The following DCTN1 variants were observed in gnomAD, a reference collection of about 807,000 sequenced individuals.
DCTN1 encodes the protein dynactin subunit 1.
Under a neutral mutation model 161.2 loss-of-function variants are expected in DCTN1, and 61 were observed. The observed-to-expected ratio is 0.38, with a 90% CI of 0.31 to 0.47. The LOEUF is 0.47. Ranked by LOEUF, DCTN1 falls within the 20% of genes least tolerant of loss-of-function variation. The probability of loss-of-function intolerance (pLI) is 0.99; values close to 1 mark genes in which losing one functional copy is unlikely to be tolerated. For synonymous variants in DCTN1, 653 were observed against 632.4 expected (o/e 1.03, Z -0.49); for missense variants, 1,404 against 1,623.7 (o/e 0.86, Z 2.33).
chr2:74,370,784 CT>C lies in DCTN1; in HGVS notation c.884del (p.Glu295GlyfsTer34). ...TGGCATCAGCAGTATCAGCCATCTC[CT>C]CCATATAGCGTTCCTTTGCCTCCAG... is the stretch of plus-strand genomic sequence containing the variant. ...EALEAKERYM[E>X]EMADTADAIE... On this transcript the variant is annotated frameshift_variant, in exon 10 of 32. Coordinates refer to ENST00000628224, the MANE Select transcript of DCTN1 (RefSeq NM_004082.5). LOFTEE classifies it high-confidence loss of function. The surrounding 1 kb of genome is among the most constrained non-coding windows in gnomAD (Gnocchi z 4.4). 6.2e-7 allele frequency: 1 copy of C among 1,614,254 alleles called. No individual in the cohort carries two copies. Among genetic ancestry groups the C allele is most frequent in the Non-Finnish European group, 8.5e-7 (1 of 1,180,048 alleles).
At chr2:74,364,575 T>G in intron 26 of DCTN1, 1 of 235,382 alleles carries the variant, frequency 4.2e-6, no homozygotes. Context: ...TAGACAAAGG[T>G]CAAAACACAA....
chr2:74,371,961 G>A (rs1674894015), intron 7 of DCTN1: 1 of 551,212 alleles, frequency 1.8e-6, no homozygotes, highest in Non-Finnish European at 3.3e-6. Flanking sequence ...GCAGAGGAGA[G>A]AGGGAGGAAA....
chr2:74,371,866 G>A (rs1674884849), intron 7 of DCTN1, 138 bp from the exon 8 acceptor site: 1 of 695,662 alleles, frequency 1.4e-6, no homozygotes, highest in African/African-American at 2.3e-5. Flanking sequence ...TCAAAGCACA[G>A]TGAGAAAAGA....
At chr2:74,378,375 A>G in intron 1 of DCTN1, 130 bp from the exon 2 acceptor site, 1 of 1,205,698 alleles carries the variant, frequency 8.3e-7, no homozygotes, top group Non-Finnish European at 1.2e-6. Flanking sequence ...AACCCCATTT[A>G]CAGAATTGGG....
intron 26 of DCTN1, 32 bp downstream of exon 26, chr2:74,365,043 T>C (rs769942011): frequency 5.0e-6 from 8 of 1,613,798 alleles, no homozygotes; most frequent in African/African-American, 1.3e-5. Context: ...CAATCTCCTC[T>C]GTGCTAGTGC....
In DCTN1 at chr2:74,369,745, G is replaced by A. The variant is rs775927340; in HGVS notation, c.1392+220C>T. 2.6e-5 allele frequency among the ~76,000 whole-genome samples: 4 copies of A among 151,768 alleles called. No individual in the cohort carries two copies. Among genetic ancestry groups the A allele is most frequent in the Non-Finnish European group, 5.9e-5 (4 of 67,948 alleles). On this transcript the variant is annotated intron_variant, in intron 13 of 31. Coordinates refer to ENST00000628224, the MANE Select transcript of DCTN1 (RefSeq NM_004082.5). The surrounding 1 kb of genome is among the most constrained non-coding windows in gnomAD (Gnocchi z 4.9). ...GGAGAATCGCTTGAACCTGGGAGGC[G>A]GAGGTTGCAGTGAGCCGAGATTATT... is the stretch of plus-strand genomic sequence containing the variant.
In DCTN1 at chr2:74,361,485, G is replaced by A; in HGVS notation, c.*14C>T. Reference sequence around the variant, plus strand: ...GGGCTGAGGGTCGAAGGGGACAGCAGGGGAAAGGAGTGCTTAGGAGATGAG... The same window carrying A: ...GGGCTGAGGGTCGAAGGGGACAGCAAGGGAAAGGAGTGCTTAGGAGATGAG... On this transcript the variant is annotated 3_prime_UTR_variant, in exon 32 of 32. Transcript: ENST00000628224. The A allele has an allele frequency of 6.2e-7, 1 of 1,614,000 alleles. No individual in the cohort carries two copies. The highest frequency in any genetic ancestry group is 8.5e-7 in the Non-Finnish European group (1 of 1,180,004).
Position 74,370,943 on chromosome 2 carries a change from G to A in DCTN1, c.843+36C>T. Reference sequence around the variant, plus strand: ...TTCCAGCATGCTTCCTTAGGTCTCAGGCTGCCCCAGCCACCCCCTTCATCC... The same window carrying A: ...TTCCAGCATGCTTCCTTAGGTCTCAAGCTGCCCCAGCCACCCCCTTCATCC... On this transcript the variant is annotated intron_variant, in intron 9 of 31. Transcript: ENST00000628224. The surrounding 1 kb of genome is among the most constrained non-coding windows in gnomAD (Gnocchi z 4.4). The A allele has an allele frequency of 1.2e-6, 2 of 1,613,272 alleles. No individual in the cohort carries two copies. The highest frequency in any genetic ancestry group is 8.5e-7 in the Non-Finnish European group (1 of 1,180,034).
In DCTN1 at chr2:74,377,986, A is replaced by G; in HGVS notation, c.279+14T>C. The stretch of plus-strand genomic sequence containing the variant: ...GTGCACACATGCACAGACACAAAAG[A>G]AGGGCGTGAATACCTGGGACTGGCG... On this transcript the variant is annotated intron_variant, in intron 2 of 31. Transcript: ENST00000628224. The G allele has an allele frequency of 6.2e-7, 1 of 1,614,028 alleles. No homozygotes were observed. The highest frequency in any genetic ancestry group is 1.1e-5 in the South Asian group (1 of 91,052).
chr2:74,387,187 T>G (rs2103770500), intron 1 of DCTN1, among the ~76,000 whole-genome samples: 1 of 152,350 alleles, frequency 6.6e-6, no homozygotes, highest in Admixed American at 6.5e-5. Flanking sequence ...TCATCCTAAC[T>G]TGATCTCCCT....
At chr2:74,376,692 A>T (rs1305390422) in intron 5 of DCTN1, 50 bp downstream of exon 5, 1 of 1,560,206 alleles carries the variant, frequency 6.4e-7, no homozygotes, top group Non-Finnish European at 8.7e-7. Flanking sequence ...ACAGCTGGGG[A>T]AGGGGCTCAT....
rs1306100893 is a variant in DCTN1 at position 74,370,240 on chromosome 2, A to G, written c.1233T>C (p.Arg411=). ...ELEVVRQQRE[R]LQEELSQAES... is the part of the protein sequence containing the mutation. ...CTGCCTGGCTTAGCTCCTCCTGCAG[A>G]CGCTCCCGCTGTTGCCTCACAACTT... Residue 411 remains arginine (R), a synonymous_variant, in exon 12 of 32, where the codon CGT becomes CGC. Coordinates refer to ENST00000628224, the MANE Select transcript of DCTN1 (RefSeq NM_004082.5). The surrounding 1 kb of genome is among the most constrained non-coding windows in gnomAD (Gnocchi z 4.4). 1 of 1,613,978 alleles carries G rather than the reference A, an allele frequency of 6.2e-7. No homozygotes were observed. The highest frequency in any genetic ancestry group is 8.5e-7 in the Non-Finnish European group (1 of 1,180,026).
rs190177176 is a variant in DCTN1 at position 74,375,367 on chromosome 2, G to C, written c.415-1027C>G. Among the ~76,000 whole-genome samples, 312 of 152,368 alleles carry C rather than the reference G, an allele frequency of 2.0e-3. 1 individual carries two copies. The highest frequency in any genetic ancestry group is 2.7e-3 in the Non-Finnish European group (187 of 68,036). On this transcript the variant is annotated intron_variant, in intron 5 of 31. Transcript: ENST00000628224. ...CCAGCTCCCTGATCCACATGGGTGA[G>C]AGCAGGGGCCCTCTGCTTTGAAAAA...
In DCTN1 at chr2:74,363,611, T is replaced by C. The variant is rs1674186810; in HGVS notation, c.3211+3A>G. ...GTAACCCCCGGCCAGAGTGGGTCTC[T>C]ACCTCGCTGCTGTTCTTCTGTGCTC... On this transcript the variant is annotated splice_donor_region_variant and intron_variant, in intron 27 of 31. Transcript: ENST00000628224. 6.2e-7 allele frequency: 1 copy of C among 1,613,592 alleles called. No homozygotes were observed. Among genetic ancestry groups the C allele is most frequent in the South Asian group, 1.1e-5 (1 of 90,902 alleles).
At chr2:74,374,800 G>A (rs550353755) in intron 5 of DCTN1, 11 of 1,023,474 alleles carry the variant, frequency 1.1e-5, no homozygotes, top group Middle Eastern at 4.7e-4. Context: ...ACAGTCATGC[G>A]CAGAGCTTGT....
At chr2:74,372,638 C>T (rs1448845287) in intron 7 of DCTN1, among the ~76,000 whole-genome samples, 6 of 152,242 alleles carry the variant, frequency 3.9e-5, no homozygotes, top group Admixed American at 6.5e-5. Context: ...CCCATCAAAA[C>T]TGGTCAAAAT....
At chr2:74,362,241 G>A in intron 30 of DCTN1, 100 bp from the exon 31 acceptor site, 1 of 1,030,386 alleles carries the variant, frequency 9.7e-7, no homozygotes, top group Non-Finnish European at 1.5e-6. Context: ...CAGGGGGGCA[G>A]GGACTTAGTC....
In DCTN1 at chr2:74,370,923, G is replaced by A; in HGVS notation, c.843+56C>T. On this transcript the variant is annotated intron_variant, in intron 9 of 31. Coordinates refer to ENST00000628224, the MANE Select transcript of DCTN1 (RefSeq NM_004082.5). This position sits in a 1 kb window ranked among gnomAD's most constrained non-coding sequence, Gnocchi z 4.4. ...GGCTCCAGCTCCAGTCTAGTTTCCA[G>A]CATGCTTCCTTAGGTCTCAGGCTGC... 6.2e-7 allele frequency: 1 copy of A among 1,613,246 alleles called. No homozygotes were observed. Among genetic ancestry groups the A allele is most frequent in the Non-Finnish European group, 8.5e-7 (1 of 1,179,990 alleles).
chr2:74,365,024 G>A, intron 26 of DCTN1, 51 bp downstream of exon 26: 1 of 1,608,764 alleles, frequency 6.2e-7, no homozygotes. Context: ...CCAAGGACAG[G>A]AGAGAAGACA....
Sources: gnomAD v4.1 joint callset for allele counts (sites outside exome capture counted in the v4.1 genomes callset) on GRCh38, gnomAD v4.1.1 for gene constraint, Gnocchi (gnomAD v3.1) non-coding constraint, MANE v1.5 for transcripts, NCBI Gene and HGNC (gene_info 2026-07-23, HGNC 2026-07-21) for gene names.